IL1RAPL1: variants seen among roughly 807,000 people sequenced by gnomAD.
IL1RAPL1 encodes interleukin-1 receptor accessory protein-like 1.
A neutral mutation model predicts 48.4 loss-of-function variants in IL1RAPL1; 3 were observed. The observed-to-expected ratio is 0.06, with a 90% CI of 0.03 to 0.16. IL1RAPL1 has a LOEUF of 0.16. Ranked by LOEUF, IL1RAPL1 falls within the 10% of genes least tolerant of loss-of-function variation. IL1RAPL1 has a pLI of 1.00. For missense variants in IL1RAPL1, 349 were observed against 530.6 expected (o/e 0.66, Z 3.36); for synonymous variants, 185 against 187.7 (o/e 0.99, Z 0.12).
chrX:29,471,259 A>T (rs887868978), intron 5 of IL1RAPL1, among the ~76,000 whole-genome samples: 1 of 111,410 alleles, frequency 9.0e-6, no homozygotes, highest in Non-Finnish European at 1.9e-5. Flanking sequence ...GTAAATGGCT[A>T]AATTCTAGTG....
chrX:29,954,387 A>G (rs1933377197), intron 9 of IL1RAPL1, 135 bp from the exon 10 acceptor site: 6 of 520,245 alleles, frequency 1.2e-5, no homozygotes, highest in Admixed American at 5.7e-5. Flanking sequence ...AATGAAACTT[A>G]ATGAAGGCTT....
Position 29,381,237 on chromosome X carries a change from A to T in IL1RAPL1, c.363-15021A>T, listed in dbSNP as rs767878176. Among the ~76,000 whole-genome samples the T allele has an allele frequency of 4.6e-5, 5 of 109,837 alleles. No homozygotes were observed. The East Asian group carries it at 1.4e-3, about 31-fold the overall frequency. ...TCAATAATGCAATAATAGACCAGGT[A>T]AATACAACATAAATAATGATGTTAC... On this transcript the variant is annotated intron_variant, in intron 3 of 10. Transcript: ENST00000378993.
intron 5 of IL1RAPL1, among the ~76,000 whole-genome samples, chrX:29,504,102 A>G (rs1387382780): frequency 3.6e-5 from 4 of 110,017 alleles, no homozygotes; most frequent in African/African-American, 6.6e-5. Flanking sequence ...CTGGGATTAC[A>G]GGCACCCCGA....
At chrX:29,696,232 C>A (rs1250398339) in intron 6 of IL1RAPL1, among the ~76,000 whole-genome samples, 1 of 111,549 alleles carries the variant, frequency 9.0e-6, no homozygotes, top group Non-Finnish European at 1.9e-5. Context: ...GCCAAATATC[C>A]CCTGTAGGGC....
intron 3 of IL1RAPL1, among the ~76,000 whole-genome samples, chrX:29,338,105 TTCA>T (rs1370056819): frequency 8.9e-6 from 1 of 112,177 alleles, no homozygotes; most frequent in Non-Finnish European, 1.9e-5. Context: ...TTATTGTGGC[TTCA>T]TCAATTAACA....
At chrX:28,993,346 A>G (rs1023883857) in intron 2 of IL1RAPL1, among the ~76,000 whole-genome samples, 4 of 111,879 alleles carry the variant, frequency 3.6e-5, no homozygotes, top group African/African-American at 1.3e-4. Flanking sequence ...ATTTAATGCA[A>G]GCGCAATGAC....
At chrX:29,040,726 G>T (rs1926828901) in intron 2 of IL1RAPL1, among the ~76,000 whole-genome samples, 1 of 112,154 alleles carries the variant, frequency 8.9e-6, no homozygotes, top group Non-Finnish European at 1.9e-5. Context: ...TATGGTGTAG[G>T]TTTTTTGCCT....
At chrX:28,730,345 T>C (rs187074177) in intron 1 of IL1RAPL1, among the ~76,000 whole-genome samples, 1,140 of 111,646 alleles carry the variant, frequency 0.01, 21 homozygotes, top group African/African-American at 0.035. Flanking sequence ...AGAAACTGTT[T>C]CATGTTTAAA....
At chrX:29,857,989 T>C (rs750670990) in intron 6 of IL1RAPL1, among the ~76,000 whole-genome samples, 67 of 111,977 alleles carry the variant, frequency 6.0e-4, no homozygotes, top group Non-Finnish European at 1.1e-3. Context: ...GTTTCATCGC[T>C]TGCTTTCAGG....
At chrX:29,083,141 A>G (rs893479778) in intron 2 of IL1RAPL1, among the ~76,000 whole-genome samples, 2 of 111,836 alleles carry the variant, frequency 1.8e-5, no homozygotes, top group African/African-American at 6.5e-5. Context: ...GAAACTGGAA[A>G]GTATGTAGGG....
chrX:29,356,583 A>G (rs1323260987), intron 3 of IL1RAPL1, among the ~76,000 whole-genome samples: 11 of 110,653 alleles, frequency 9.9e-5, no homozygotes, highest in Non-Finnish European at 1.5e-4. Flanking sequence ...ACACACACAC[A>G]CGCACACACT....
chrX:28,735,930 G>C (rs1935818708), intron 1 of IL1RAPL1, among the ~76,000 whole-genome samples: 1 of 110,997 alleles, frequency 9.0e-6, no homozygotes, highest in Admixed American at 9.6e-5. Flanking sequence ...CTTCCTTATG[G>C]GTAAGGAATG....
intron 1 of IL1RAPL1, among the ~76,000 whole-genome samples, chrX:28,732,447 T>G (rs1158680313): frequency 8.9e-6 from 1 of 112,048 alleles, no homozygotes; most frequent in African/African-American, 3.2e-5. Context: ...CCTTTCATAC[T>G]GTGTGAACTC....
intron 2 of IL1RAPL1, among the ~76,000 whole-genome samples, chrX:29,220,743 G>T (rs1390553011): frequency 9.0e-6 from 1 of 111,658 alleles, no homozygotes; most frequent in African/African-American, 3.3e-5. Context: ...AAAATCCTGT[G>T]TAGGAAAAAT....
chrX:28,769,112 T>A (rs1936283454), intron 1 of IL1RAPL1, among the ~76,000 whole-genome samples: 2 of 108,701 alleles, frequency 1.8e-5, no homozygotes, highest in Non-Finnish European at 3.8e-5. Flanking sequence ...TGTAAGAATA[T>A]GAGTTACAGC....
At chrX:29,172,910 G>A (rs893468318) in intron 2 of IL1RAPL1, among the ~76,000 whole-genome samples, 3 of 111,609 alleles carry the variant, frequency 2.7e-5, no homozygotes, top group African/African-American at 9.8e-5. Flanking sequence ...AATTTGGCAT[G>A]GGATCATTTA....
intron 2 of IL1RAPL1, among the ~76,000 whole-genome samples, chrX:28,838,156 C>T (rs1159641537): frequency 9.0e-6 from 1 of 111,115 alleles, no homozygotes; most frequent in East Asian, 2.9e-4. Flanking sequence ...AACTGTATCA[C>T]AGAACTTCAG....
intron 2 of IL1RAPL1, among the ~76,000 whole-genome samples, chrX:29,039,033 T>C (rs1310413786): frequency 8.9e-6 from 1 of 112,342 alleles, no homozygotes; most frequent in Non-Finnish European, 1.9e-5. Context: ...CAGCAGTTGT[T>C]TTAGTGACTC....
intron 6 of IL1RAPL1, among the ~76,000 whole-genome samples, chrX:29,787,073 A>G (rs1279402179): frequency 1.8e-5 from 2 of 112,150 alleles, no homozygotes; most frequent in African/African-American, 6.5e-5. Context: ...ATGAACCATT[A>G]GGGTACTTGT....
Sources: gnomAD v4.1 joint callset for allele counts (sites outside exome capture counted in the v4.1 genomes callset) on GRCh38, gnomAD v4.1.1 for gene constraint, MANE v1.5 for transcripts, NCBI Gene and HGNC (gene_info 2026-07-23, HGNC 2026-07-21) for gene names.